The following EVI5 variants were observed in gnomAD, a reference collection of about 807,000 sequenced individuals.
The protein encoded by EVI5 is ecotropic viral integration site 5 protein homolog.
EVI5 carries 73 observed loss-of-function variants against 112.0 expected under a neutral mutation model. The observed-to-expected ratio is 0.65, with a 90% CI of 0.54 to 0.79. The LOEUF (loss-of-function observed/expected upper bound fraction) is 0.79, where lower values mean the gene tolerates loss of function less well. Ranked by LOEUF, EVI5 falls within the 30% of genes least tolerant of loss-of-function variation. EVI5 has a pLI of 0.00. For synonymous variants in EVI5, 305 were observed against 319.9 expected (o/e 0.95, Z 0.50); for missense variants, 900 against 968.8 (o/e 0.93, Z 0.94).
intron 17 of EVI5, among the ~76,000 whole-genome samples, chr1:92,606,929 C>T (rs1180463137): frequency 3.6e-5 from 5 of 137,226 alleles, no homozygotes; most frequent in Non-Finnish European, 8.0e-5. Context: ...CACACCCCCC[C>T]AAACCCTCCC....
chr1:92,669,774 G>C (rs751907746), intron 10 of EVI5, among the ~76,000 whole-genome samples: 28 of 151,964 alleles, frequency 1.8e-4, no homozygotes, highest in African/African-American at 3.6e-4. Context: ...ACATAGAAAG[G>C]TTAATAACTA....
chr1:92,703,333 A>C, intron 4 of EVI5, 62 bp downstream of exon 4: 1 of 1,012,158 alleles, frequency 9.9e-7, no homozygotes, highest in Admixed American at 2.5e-5. Context: ...ATCATGAAAA[A>C]TGTATAATTT....
intron 1 of EVI5, among the ~76,000 whole-genome samples, chr1:92,748,515 A>G (rs949976773): frequency 2.6e-5 from 4 of 152,228 alleles, no homozygotes; most frequent in Admixed American, 6.5e-5. Flanking sequence ...GATTATTTGA[A>G]GCCATTAAGT....
chr1:92,728,309 A>C (rs1203893845), intron 2 of EVI5, among the ~76,000 whole-genome samples: 1 of 152,178 alleles, frequency 6.6e-6, no homozygotes, highest in East Asian at 1.9e-4. Context: ...TATAACATGT[A>C]AACAGAAAGC....
At chr1:92,676,909 T>C (rs1412327725) in intron 10 of EVI5, among the ~76,000 whole-genome samples, 1 of 152,192 alleles carries the variant, frequency 6.6e-6, no homozygotes, top group African/African-American at 2.4e-5. Context: ...AATTTTCTTC[T>C]CCATGGAAGT....
intron 19 of EVI5, 27 bp downstream of exon 19, chr1:92,563,615 A>G: frequency 8.4e-7 from 1 of 1,191,998 alleles, no homozygotes; most frequent in Non-Finnish European, 1.2e-6. Flanking sequence ...AGAAAGCAAT[A>G]TGTGAAGATC....
At chr1:92,751,050 T>C (rs1288546791) in intron 1 of EVI5, among the ~76,000 whole-genome samples, 1 of 152,082 alleles carries the variant, frequency 6.6e-6, no homozygotes, top group Non-Finnish European at 1.5e-5. Context: ...CTCAGGAGGC[T>C]GAGGCAGGAG....
rs188754195 is a variant in EVI5, at chr1:92,631,850, G to A, written c.1527+4352C>T. On this transcript the variant is annotated intron_variant, in intron 14 of 19. Coordinates refer to ENST00000684568, the MANE Select transcript of EVI5 (RefSeq NM_001350197.2). ...AACAGCTCTTATGATTTTGAGATACGTCCCATTGATACCTAATTTATTGAG... is the reference window on the plus strand; with the variant it reads ...AACAGCTCTTATGATTTTGAGATACATCCCATTGATACCTAATTTATTGAG... Among the ~76,000 whole-genome samples the A allele has an allele frequency of 7.9e-5, 12 of 152,248 alleles. No individual in the cohort carries two copies. The South Asian group carries it at 1.7e-3, about 21-fold the overall frequency.
intron 18 of EVI5, among the ~76,000 whole-genome samples, chr1:92,569,002 T>C (rs954136834): frequency 2.0e-5 from 3 of 152,296 alleles, no homozygotes; most frequent in Middle Eastern, 6.8e-3. Context: ...TCAGCACCCT[T>C]AATCCCTGTG....
At chr1:92,726,453 T>G (rs1238658603) in intron 2 of EVI5, among the ~76,000 whole-genome samples, 1 of 152,130 alleles carries the variant, frequency 6.6e-6, no homozygotes, top group African/African-American at 2.4e-5. Flanking sequence ...TAAATAGAAT[T>G]CTATAGTCAA....
At chr1:92,777,512 C>T (rs948002558) in intron 1 of EVI5, among the ~76,000 whole-genome samples, 1 of 152,174 alleles carries the variant, frequency 6.6e-6, no homozygotes, top group African/African-American at 2.4e-5. Context: ...ACAACGAGTA[C>T]TTCTAAAAAG....
intron 4 of EVI5, among the ~76,000 whole-genome samples, chr1:92,702,526 C>T (rs114138180): frequency 0.019 from 2,882 of 151,812 alleles, 107 homozygotes; most frequent in African/African-American, 0.065. Flanking sequence ...TAAAATTGAG[C>T]TGGGCACAGT....
chr1:92,657,697 T>C (rs1172428795), intron 13 of EVI5, among the ~76,000 whole-genome samples: 2 of 151,938 alleles, frequency 1.3e-5, no homozygotes, highest in Non-Finnish European at 2.9e-5. Flanking sequence ...AAAACCTAGG[T>C]TCTCCTTGCA....
At chr1:92,668,897 T>C (rs1027825528) in intron 10 of EVI5, among the ~76,000 whole-genome samples, 14 of 152,240 alleles carry the variant, frequency 9.2e-5, no homozygotes, top group African/African-American at 3.4e-4. Flanking sequence ...TACATTTGTT[T>C]ATTGTTCCCA....
At chr1:92,590,851 G>C (rs932654869) in intron 18 of EVI5, among the ~76,000 whole-genome samples, 2 of 152,154 alleles carry the variant, frequency 1.3e-5, no homozygotes, top group Non-Finnish European at 2.9e-5. Context: ...AAATGTTAAG[G>C]GCAGCCAGAG....
chr1:92,612,120 G>A lies in EVI5; in HGVS notation c.1828-4393C>T, dbSNP rs2101648356. ...ACAGGCCCTTCTAAATGTTTGGAAA[G>A]GATACAGAGATGATGACTAAGTTTA... On this transcript the variant is annotated intron_variant, in intron 16 of 19. Transcript: ENST00000684568. Among the ~76,000 whole-genome samples, 2 of 152,104 alleles carry A rather than the reference G, an allele frequency of 1.3e-5. 1 individual carries two copies. The highest frequency in any genetic ancestry group is 4.2e-4 in the South Asian group (2 of 4,812).
intron 18 of EVI5, among the ~76,000 whole-genome samples, chr1:92,569,360 G>C (rs1669961586): frequency 6.6e-6 from 1 of 152,082 alleles, no homozygotes; most frequent in Admixed American, 6.5e-5. Context: ...TGTTACAAAA[G>C]TCTATGTATT....
chr1:92,612,897 G>A (rs996784144), intron 16 of EVI5, among the ~76,000 whole-genome samples: 2 of 152,132 alleles, frequency 1.3e-5, no homozygotes, highest in African/African-American at 4.8e-5. Flanking sequence ...TGGCTAGACA[G>A]TGTGAAGGCG....
intron 1 of EVI5, among the ~76,000 whole-genome samples, chr1:92,738,087 A>G (rs1420710860): frequency 6.6e-6 from 1 of 152,214 alleles, no homozygotes; most frequent in Admixed American, 6.5e-5. Flanking sequence ...GCTTCCAGGC[A>G]AAAGAAGTCC....
Sources: gnomAD v4.1 joint callset for allele counts (sites outside exome capture counted in the v4.1 genomes callset) on GRCh38, gnomAD v4.1.1 for gene constraint, MANE v1.5 for transcripts, NCBI Gene and HGNC (gene_info 2026-07-23, HGNC 2026-07-21) for gene names.